Variants in PCDH11X observed in about 807,000 individuals in gnomAD.
The protein encoded by PCDH11X is protocadherin 11 X-linked, also known as protocadherin-11 X-linked.
In PCDH11X, 18 loss-of-function variants were observed where a neutral mutation model predicts 53.3. The observed-to-expected ratio is 0.34, with a 90% CI of 0.23 to 0.50. The LOEUF (loss-of-function observed/expected upper bound fraction) is 0.50, where lower values mean the gene tolerates loss of function less well. PCDH11X is among the 20% of genes least tolerant of loss of function. The pLI, the probability that PCDH11X is intolerant of heterozygous loss-of-function variation, is 0.98. For missense variants in PCDH11X, 570 were observed against 1,032.4 expected (o/e 0.55, Z 6.14); for synonymous variants, 279 against 393.3 (o/e 0.71, Z 3.44).
At chrX:92,527,558 T>C (rs2074478768) in intron 10 of PCDH11X, among the ~76,000 whole-genome samples, 1 of 111,471 alleles carries the variant, frequency 9.0e-6, no homozygotes, top group African/African-American at 3.3e-5. Flanking sequence ...TTATAACTTA[T>C]TTTAAAGCAC....
intron 6 of PCDH11X, among the ~76,000 whole-genome samples, chrX:91,897,941 A>C (rs1940810575): frequency 8.9e-6 from 1 of 112,167 alleles, no homozygotes; most frequent in South Asian, 3.7e-4. Flanking sequence ...ACTGAAAAGC[A>C]AGGTGTGGTG....
At chrX:92,596,333 G>A (rs1160626718) in intron 10 of PCDH11X, among the ~76,000 whole-genome samples, 1 of 110,161 alleles carries the variant, frequency 9.1e-6, no homozygotes, top group Non-Finnish European at 1.9e-5. Flanking sequence ...TTCCATCTCT[G>A]TGACCAACAT....
intron 6 of PCDH11X, among the ~76,000 whole-genome samples, chrX:92,106,177 T>G (rs1165449848): frequency 3.7e-5 from 4 of 108,548 alleles, no homozygotes; most frequent in African/African-American, 1.4e-4. Context: ...AATCAATTTA[T>G]CTAGCTCTAA....
intron 6 of PCDH11X, among the ~76,000 whole-genome samples, chrX:92,030,571 T>C (rs753372874): frequency 5.5e-5 from 6 of 108,529 alleles, no homozygotes; most frequent in East Asian, 3.0e-4. Flanking sequence ...TGCTAGAAAA[T>C]ACTAGGTCTT....
At position 91,911,710 on chromosome X, in the gene PCDH11X, G is replaced by A. The variant is rs182025601; in HGVS notation, c.3033+32437G>A. On this transcript the variant is annotated intron_variant, in intron 6 of 10. Coordinates refer to ENST00000682573, the MANE Select transcript of PCDH11X (RefSeq NM_032968.5). ...ATTTTTAGCTCCCATAAATAAGTGA[G>A]AACATGTGAAGTTTGTCTTTCTTTG... Among the ~76,000 whole-genome samples, 523 of 110,849 alleles carry A rather than the reference G, an allele frequency of 4.7e-3. 6 individuals carry two copies. Among genetic ancestry groups the A allele is most frequent in the African/African-American group, 0.016 (499 of 30,568 alleles).
At chrX:92,326,271 G>T (rs1033738895) in intron 8 of PCDH11X, among the ~76,000 whole-genome samples, 1 of 109,340 alleles carries the variant, frequency 9.1e-6, no homozygotes, top group African/African-American at 3.3e-5. Context: ...TAGACTCGGG[G>T]TAATCAGATT....
intron 10 of PCDH11X, among the ~76,000 whole-genome samples, chrX:92,525,359 G>C (rs761852061): frequency 9.0e-6 from 1 of 111,554 alleles, no homozygotes; most frequent in Non-Finnish European, 1.9e-5. Context: ...GGCTGGGCGC[G>C]GTGGCTCACG....
chrX:91,983,075 C>A, intron 6 of PCDH11X: 1 of 1,163,684 alleles, frequency 8.6e-7, no homozygotes, highest in East Asian at 3.0e-5. Flanking sequence ...TGTAACCCAG[C>A]ACCAGAGCAG....
chrX:92,559,469 A>C (rs920977378), intron 10 of PCDH11X, among the ~76,000 whole-genome samples: 2 of 107,758 alleles, frequency 1.9e-5, no homozygotes, highest in Non-Finnish European at 3.8e-5. Context: ...ACACACACAC[A>C]CCACTGTCAT....
chrX:92,411,990 GGGAGGAGGAGGAAGAAGAAGAAGAAGA>G (rs2071679420), intron 9 of PCDH11X, among the ~76,000 whole-genome samples: 1 of 20,357 alleles, frequency 4.9e-5, no homozygotes, highest in Non-Finnish European at 9.6e-5. Context: ...GAAGAAGAAG[GGGAGGAGGAGGAAGAAGAAGAAGAAGA>G]GGAGGAGGGG....
At chrX:92,557,646 T>C (rs1569504294) in intron 10 of PCDH11X, among the ~76,000 whole-genome samples, 2 of 108,894 alleles carry the variant, frequency 1.8e-5, no homozygotes, top group Admixed American at 2.0e-4. Flanking sequence ...CCTCCAAGCC[T>C]CTATGAAGGT....
intron 6 of PCDH11X, among the ~76,000 whole-genome samples, chrX:91,951,125 T>G (rs1347659666): frequency 9.0e-6 from 1 of 111,346 alleles, no homozygotes; most frequent in African/African-American, 3.3e-5. Flanking sequence ...AACGTATTAT[T>G]TTTCTCTCAG....
chrX:91,914,298 C>T (rs1275559414), intron 6 of PCDH11X, among the ~76,000 whole-genome samples: 1 of 111,182 alleles, frequency 9.0e-6, no homozygotes, highest in Non-Finnish European at 1.9e-5. Flanking sequence ...ATAGTCTAAC[C>T]AAATGAGAAG....
chrX:92,458,673 C>A (rs2072966108), intron 9 of PCDH11X, among the ~76,000 whole-genome samples: 1 of 110,850 alleles, frequency 9.0e-6, no homozygotes, highest in African/African-American at 3.3e-5. Context: ...ACATAATATC[C>A]TTCAGCTCCA....
chrX:92,394,672 T>C (rs1279356982), intron 9 of PCDH11X, among the ~76,000 whole-genome samples: 3 of 112,081 alleles, frequency 2.7e-5, no homozygotes, highest in Non-Finnish European at 5.6e-5. Context: ...TTGCCATTTG[T>C]TATTTTTTGA....
chrX:91,935,792 AT>A (rs1272104452), intron 6 of PCDH11X, among the ~76,000 whole-genome samples: 1 of 107,841 alleles, frequency 9.3e-6, no homozygotes, highest in Non-Finnish European at 1.9e-5. Flanking sequence ...CATTGGTTCA[AT>A]CTGGAAGGGT....
chrX:92,617,222 A>C (rs191457633), intron 10 of PCDH11X, among the ~76,000 whole-genome samples: 52 of 111,867 alleles, frequency 4.6e-4, no homozygotes, highest in Middle Eastern at 4.7e-3. Flanking sequence ...AATTTGCTAA[A>C]ATTGAATAGT....
intron 10 of PCDH11X, among the ~76,000 whole-genome samples, chrX:92,504,122 CTTTTA>C (rs1375734705): frequency 7.1e-5 from 7 of 98,499 alleles, no homozygotes; most frequent in African/African-American, 2.2e-4. Context: ...TTTTTAAAAA[CTTTTA>C]TTTTGAGTTC....
intron 6 of PCDH11X, among the ~76,000 whole-genome samples, chrX:91,959,516 T>C (rs936464314): frequency 1.5e-4 from 16 of 108,942 alleles, no homozygotes; most frequent in African/African-American, 4.7e-4. Context: ...TATTTTCTTT[T>C]TAGATTCCAT....
Sources: allele counts gnomAD v4.1 joint callset (sites outside exome capture counted in the v4.1 genomes callset), GRCh38; gene constraint gnomAD v4.1.1; transcripts MANE v1.5; gene names NCBI Gene and HGNC (gene_info 2026-07-23, HGNC 2026-07-21).